The following FBXL5 variants were observed in gnomAD, a reference collection of about 807,000 sequenced individuals.
The protein encoded by FBXL5 is F-box and leucine rich repeat protein 5.
In FBXL5, 26 loss-of-function variants were observed where a neutral mutation model predicts 78.3. The observed-to-expected ratio is 0.33, with a 90% CI of 0.24 to 0.46. FBXL5 has a LOEUF of 0.46. Ranked by LOEUF, FBXL5 falls within the 20% of genes least tolerant of loss-of-function variation. The pLI is 1.00. For synonymous variants in FBXL5, 295 were observed against 282.5 expected (o/e 1.04, Z -0.45); for missense variants, 710 against 829.2 (o/e 0.86, Z 1.77).
chr4:15,639,246 T>G lies in FBXL5; in HGVS notation c.397-552A>C, dbSNP rs148748082. Among the ~76,000 whole-genome samples the G allele has an allele frequency of 1.2e-3, 180 of 152,330 alleles. 1 individual carries two copies. Among genetic ancestry groups the G allele is most frequent in the African/African-American group, 4.0e-3 (166 of 41,568 alleles). ...ATCAATCCAAAACAATTTTAAAGCA[T>G]AAGGACCAGAAGGCTTTCCCTTTAT... On this transcript the variant is annotated intron_variant, in intron 3 of 10. Transcript: ENST00000341285.
chr4:15,649,375 C>T (rs1368072194), intron 1 of FBXL5, among the ~76,000 whole-genome samples: 2 of 151,928 alleles, frequency 1.3e-5, no homozygotes, highest in African/African-American at 4.8e-5. Context: ...GTTAAGAGAT[C>T]TAGGCCAACA....
intron 9 of FBXL5, among the ~76,000 whole-genome samples, chr4:15,617,545 C>CAA (rs34036474): frequency 0.012 from 1,408 of 114,102 alleles, 17 homozygotes; most frequent in African/African-American, 0.028. Context: ...CTCCATGTCT[C>CAA]AAAAAAAAAA....
chr4:15,630,968 C>G (rs913946484), intron 5 of FBXL5, among the ~76,000 whole-genome samples, 177 bp from the exon 6 acceptor site: 1 of 152,092 alleles, frequency 6.6e-6, no homozygotes, highest in African/African-American at 2.4e-5. Flanking sequence ...GCACAACGTG[C>G]AAGTTTGTTA....
chr4:15,648,712 A>G (rs1715623031), intron 1 of FBXL5, among the ~76,000 whole-genome samples: 1 of 152,148 alleles, frequency 6.6e-6, no homozygotes, highest in African/African-American at 2.4e-5. Context: ...GGGGCAGGGG[A>G]TGGAGAAAAT....
chr4:15,628,963 T>C (rs1713356338), intron 6 of FBXL5, among the ~76,000 whole-genome samples: 1 of 152,064 alleles, frequency 6.6e-6, no homozygotes, highest in African/African-American at 2.4e-5. Context: ...ACAATAATTA[T>C]GCATATTTTG....
upstream of FBXL5, among the ~76,000 whole-genome samples, chr4:15,657,808 C>T (rs1347439731): frequency 2.0e-5 from 3 of 152,142 alleles, no homozygotes; most frequent in East Asian, 5.8e-4. Flanking sequence ...GTATCATTAC[C>T]ATAGGTTACT....
At position 15,630,783 on chromosome 4, in the gene FBXL5, A is replaced by G. The variant is rs761064419; in HGVS notation, c.775T>C (p.Tyr259His). ...TCAAGTTCAGTTGCGGGACCACTATACCAGTCACCTACTCAATGAATAAAC... is the reference window on the plus strand; with the variant it reads ...TCAAGTTCAGTTGCGGGACCACTATGCCAGTCACCTACTCAATGAATAAAC... ...YPVHWARGDW[Y>H]SGPATELDTE... Residue 259 changes from tyrosine (Y) to histidine (H), a missense_variant, in exon 6 of 11, where the codon TAT becomes CAT. Physicochemically the swap from Tyr to His is moderately conservative, Grantham distance 83. Coordinates refer to ENST00000341285, the MANE Select transcript of FBXL5 (RefSeq NM_012161.4). The G allele has an allele frequency of 1.3e-5, 21 of 1,613,088 alleles. No homozygotes were observed. Among genetic ancestry groups the G allele is most frequent in the Non-Finnish European group, 1.8e-5 (21 of 1,179,676 alleles).
upstream of FBXL5, among the ~76,000 whole-genome samples, chr4:15,656,499 G>C (rs539522555): frequency 1.9e-3 from 296 of 152,316 alleles, 1 homozygote; most frequent in African/African-American, 7.0e-3. Context: ...AGACAACATG[G>C]GGATCAGTAA....
chr4:15,645,090 C>T (rs936920688), intron 1 of FBXL5, among the ~76,000 whole-genome samples: 21 of 151,130 alleles, frequency 1.4e-4, no homozygotes, highest in Non-Finnish European at 1.6e-4. Context: ...ATACAACAGA[C>T]GGGTAGATGA....
chr4:15,610,170 T>C (rs902943806), intron 10 of FBXL5, among the ~76,000 whole-genome samples: 1 of 152,048 alleles, frequency 6.6e-6, no homozygotes, highest in Non-Finnish European at 1.5e-5. Flanking sequence ...AGCTGAGCTG[T>C]TTTGAAAGAT....
At chr4:15,669,702 G>A (rs1717684219) in intron 1 of FBXL5, among the ~76,000 whole-genome samples, 1 of 152,074 alleles carries the variant, frequency 6.6e-6, no homozygotes, top group Non-Finnish European at 1.5e-5. Context: ...ACTATGAAAA[G>A]TTATTTTTAT....
intron 5 of FBXL5, among the ~76,000 whole-genome samples, chr4:15,632,684 G>A (rs569375661): frequency 8.5e-4 from 129 of 152,126 alleles, no homozygotes; most frequent in Non-Finnish European, 1.5e-3. Flanking sequence ...AATTGTGAAT[G>A]GGAGTTCACT....
intron 2 of FBXL5, among the ~76,000 whole-genome samples, chr4:15,641,295 A>G (rs754218599): frequency 1.4e-4 from 22 of 152,136 alleles, no homozygotes; most frequent in Non-Finnish European, 2.9e-4. Flanking sequence ...TTGACCCTTG[A>G]ACAACACAGG....
intron 9 of FBXL5, among the ~76,000 whole-genome samples, chr4:15,615,120 G>T (rs904776566): frequency 2.0e-5 from 3 of 152,280 alleles, no homozygotes; most frequent in South Asian, 4.1e-4. Flanking sequence ...CACCGCGCTC[G>T]ATTTCTCACC....
chr4:15,621,690 G>T (rs2148560754), intron 9 of FBXL5, among the ~76,000 whole-genome samples: 1 of 152,292 alleles, frequency 6.6e-6, no homozygotes, highest in Middle Eastern at 3.4e-3. Flanking sequence ...ATTTAGATAA[G>T]AGGCTATTTT....
chr4:15,669,882 C>T (rs1300551283), intron 1 of FBXL5, among the ~76,000 whole-genome samples: 3 of 152,174 alleles, frequency 2.0e-5, no homozygotes, highest in Admixed American at 6.5e-5. Flanking sequence ...AACATTCCAA[C>T]TTATCCAAGG....
At chr4:15,645,871 T>C (rs1373329557) in intron 1 of FBXL5, among the ~76,000 whole-genome samples, 2 of 152,232 alleles carry the variant, frequency 1.3e-5, no homozygotes, top group Non-Finnish European at 2.9e-5. Flanking sequence ...TCATACATTT[T>C]TTACTCTATA....
chr4:15,628,118 A>G, intron 6 of FBXL5, 85 bp from the exon 7 acceptor site: 1 of 1,303,352 alleles, frequency 7.7e-7, no homozygotes. Context: ...GTTAAATATG[A>G]CATACTTTGT....
At chr4:15,628,151 TAAACCATCCCA>T in intron 6 of FBXL5, 118 bp from the exon 7 acceptor site, 1 of 970,712 alleles carries the variant, frequency 1.0e-6, no homozygotes. Flanking sequence ...CTTTCTTATG[TAAACCATCCCA>T]TTTTTAGGCA....
Sources: allele counts gnomAD v4.1 joint callset (sites outside exome capture counted in the v4.1 genomes callset), GRCh38; gene constraint gnomAD v4.1.1; transcripts MANE v1.5; gene names NCBI Gene and HGNC (gene_info 2026-07-23, HGNC 2026-07-21).